GAB1: variants seen among roughly 807,000 people sequenced by gnomAD.
GAB1 encodes GRB2 associated binding protein 1, also known as GRB2-associated-binding protein 1.
A neutral mutation model predicts 66.5 loss-of-function variants in GAB1; 19 were observed. That is an observed-to-expected ratio of 0.29 (90% CI 0.20 to 0.42). The LOEUF (loss-of-function observed/expected upper bound fraction) is 0.42. Among genes scored for constraint, GAB1 ranks in the 10% least tolerant of loss-of-function variants. GAB1 has a pLI of 1.00. For missense variants in GAB1, 732 were observed against 858.5 expected (o/e 0.85, Z 1.84); for synonymous variants, 294 against 301.4 (o/e 0.98, Z 0.25).
At chr4:143,345,077 T>A (rs1266052318) in intron 1 of GAB1, among the ~76,000 whole-genome samples, 1 of 152,238 alleles carries the variant, frequency 6.6e-6, no homozygotes, top group Non-Finnish European at 1.5e-5. Flanking sequence ...AGCTACTATA[T>A]GCAAACTGCA....
At chr4:143,426,338 C>T (rs1437659559) in intron 2 of GAB1, among the ~76,000 whole-genome samples, 2 of 152,058 alleles carry the variant, frequency 1.3e-5, no homozygotes, top group African/African-American at 4.8e-5. Flanking sequence ...TCTCTTGAAC[C>T]CAGGAGTTTG....
At chr4:143,467,009 TC>T (rs1425412943) in intron 9 of GAB1, among the ~76,000 whole-genome samples, 2 of 152,202 alleles carry the variant, frequency 1.3e-5, no homozygotes, top group African/African-American at 4.8e-5. Context: ...TCTCAGACCT[TC>T]CTTCTGCAAT....
At chr4:143,382,522 G>C (rs1009203616) in intron 1 of GAB1, among the ~76,000 whole-genome samples, 12 of 152,200 alleles carry the variant, frequency 7.9e-5, no homozygotes, top group Non-Finnish European at 1.5e-4. Flanking sequence ...AATTTTATCA[G>C]ACATTTTCCT....
chr4:143,474,175 G>T lies in GAB1; in HGVS notation c.*4986G>T, dbSNP rs1316199522. Reference sequence around the variant, plus strand: ...AAAATTATACAAAATTACTATTTTTGATAAAATAAAGGAACACCTACAGAA... The same window carrying T: ...AAAATTATACAAAATTACTATTTTTTATAAAATAAAGGAACACCTACAGAA... On this transcript the variant is annotated 3_prime_UTR_variant, in exon 10 of 10. Transcript: ENST00000262994. 1 of 152,050 alleles carries T rather than the reference G, an allele frequency of 6.6e-6. No homozygotes were observed. The highest frequency in any genetic ancestry group is 2.4e-5 in the African/African-American group (1 of 41,412). The allele number at this position is 152,050 out of a possible 1,614,324, so 9.4% of individuals were successfully genotyped here.
In GAB1 at chr4:143,438,122, A is replaced by T; in HGVS notation, c.717A>T (p.Gln239His). Residue 239 changes from glutamine (Q) to histidine (H), a missense_variant, in exon 4 of 10, where the codon CAA (glutamine) becomes CAT (histidine). Physicochemically the swap from Gln to His is conservative, Grantham distance 24 (BLOSUM62 0). This residue lies in a region of GAB1 where 427 missense variants were observed against 420.6 expected (regional missense o/e 1.02). Coordinates refer to ENST00000262994, the MANE Select transcript of GAB1 (RefSeq NM_002039.4). ...KHGMNGFFQQ[Q>H]MIYDSPPSRA... ...GAATGAATGGCTTTTTTCAGCAGCA[A>T]ATGATATACGACTCTCCACCTTCAC... is the stretch of plus-strand genomic sequence containing the variant. 6.2e-7 allele frequency: 1 copy of T among 1,614,054 alleles called. No individual in the cohort carries two copies. Among genetic ancestry groups the T allele is most frequent in the South Asian group, 1.1e-5 (1 of 91,074 alleles).
rs1436739535 is a variant in GAB1 at position 143,472,410 on chromosome 4, T to C, written c.*3221T>C. 2 of 152,216 alleles carry C rather than the reference T, an allele frequency of 1.3e-5. No homozygotes were observed. The highest frequency in any genetic ancestry group is 3.8e-4 in the East Asian group (2 of 5,196). 9.4% of individuals were successfully genotyped at this position (152,216 alleles called of 1,614,324 possible). ...TAATTAATGGGGATTATAGTCTTCC[T>C]TCATAAATGCATTTAAACCTGAAAT... On this transcript the variant is annotated 3_prime_UTR_variant, in exon 10 of 10. Coordinates refer to ENST00000262994, the MANE Select transcript of GAB1 (RefSeq NM_002039.4).
intron 1 of GAB1, among the ~76,000 whole-genome samples, chr4:143,373,221 A>G (rs889109577): frequency 8.5e-5 from 13 of 152,334 alleles, no homozygotes; most frequent in African/African-American, 3.1e-4. Flanking sequence ...GCAGTATTCT[A>G]CATTAAGATC....
intron 9 of GAB1, 26 bp from the exon 10 acceptor site, chr4:143,469,005 C>G (rs1277526142): frequency 1.2e-6 from 2 of 1,611,382 alleles, no homozygotes; most frequent in Non-Finnish European, 1.7e-6. Context: ...ATATGTTGGA[C>G]TTTTTGTTTT....
rs79352189 is a variant in GAB1 at position 143,341,518 on chromosome 4, A to G, written c.72+4258A>G. 9.7e-3 allele frequency among the ~76,000 whole-genome samples: 1,471 copies of G among 152,316 alleles called. 15 individuals carry two copies. The highest frequency in any genetic ancestry group is 0.033 in the African/African-American group (1,374 of 41,570). ...GCTGTCAGCATTGGGCAGGTGCACA[A>G]TCTCAGCAGGAGAACCTGCTTCTGA... On this transcript the variant is annotated intron_variant, in intron 1 of 9. Transcript: ENST00000262994.
intron 1 of GAB1, among the ~76,000 whole-genome samples, chr4:143,342,923 C>T (rs1016023860): frequency 6.6e-6 from 1 of 152,084 alleles, no homozygotes; most frequent in Non-Finnish European, 1.5e-5. Context: ...CTTACAGAGA[C>T]TGACAGCCAG....
At chr4:143,443,643 A>G (rs980197705) in intron 6 of GAB1, among the ~76,000 whole-genome samples, 1 of 152,224 alleles carries the variant, frequency 6.6e-6, no homozygotes, top group African/African-American at 2.4e-5. Flanking sequence ...TATCTCTTAT[A>G]TAAAACTCAT....
intron 2 of GAB1, among the ~76,000 whole-genome samples, chr4:143,429,062 T>C (rs1007126282): frequency 6.6e-6 from 1 of 152,222 alleles, no homozygotes. Context: ...TTTAGTCTTA[T>C]ACTTGGCCCA....
chr4:143,398,392 G>A (rs1050113698), intron 1 of GAB1, among the ~76,000 whole-genome samples: 2 of 152,046 alleles, frequency 1.3e-5, no homozygotes, highest in Non-Finnish European at 2.9e-5. Context: ...GTTGCAGGGG[G>A]AAGTTTTATA....
At chr4:143,421,611 G>A (rs371344829) in intron 2 of GAB1, among the ~76,000 whole-genome samples, 2 of 150,670 alleles carry the variant, frequency 1.3e-5, no homozygotes, top group Non-Finnish European at 3.0e-5. Flanking sequence ...GTATCTTGTG[G>A]TGTTAATTTG....
At position 143,408,782 on chromosome 4, in the gene GAB1, A is replaced by G. The variant is rs551856399; in HGVS notation, c.73-6695A>G. ...GTATATTGAAATTTTGAATTCTACT[A>G]AAGAAGTCACAATAATGGTCTTTCC... On this transcript the variant is annotated intron_variant, in intron 1 of 9. Coordinates refer to ENST00000262994, the MANE Select transcript of GAB1 (RefSeq NM_002039.4). 3.9e-5 allele frequency among the ~76,000 whole-genome samples: 6 copies of G among 152,350 alleles called. No individual in the cohort carries two copies. In the East Asian group the frequency reaches 5.8e-4, roughly 15 times the overall value.
At chr4:143,468,650 G>A (rs937494742) in intron 9 of GAB1, among the ~76,000 whole-genome samples, 3 of 151,948 alleles carry the variant, frequency 2.0e-5, no homozygotes, top group Non-Finnish European at 4.4e-5. Flanking sequence ...TCATGGCCGG[G>A]CATGGTGGCT....
At chr4:143,373,000 TATTTA>T (rs1016551983) in intron 1 of GAB1, among the ~76,000 whole-genome samples, 3 of 152,078 alleles carry the variant, frequency 2.0e-5, no homozygotes, top group Non-Finnish European at 4.4e-5. Flanking sequence ...TTGATCTGGT[TATTTA>T]ATTTTAGTAA....
intron 1 of GAB1, among the ~76,000 whole-genome samples, chr4:143,367,843 G>C (rs762607339): frequency 6.1e-5 from 9 of 148,394 alleles, no homozygotes; most frequent in Non-Finnish European, 8.9e-5. Context: ...TCATGCCTCA[G>C]CCCCCCAAGT....
intron 1 of GAB1, among the ~76,000 whole-genome samples, chr4:143,411,076 AACT>A (rs1732360748): frequency 6.6e-6 from 1 of 152,076 alleles, no homozygotes; most frequent in Non-Finnish European, 1.5e-5. Flanking sequence ...GTGTTTGGGA[AACT>A]ACAAGTATTT....
Sources: allele counts gnomAD v4.1 joint callset (sites outside exome capture counted in the v4.1 genomes callset), GRCh38; gene constraint gnomAD v4.1.1; regional missense constraint gnomAD v4.1.1; transcripts MANE v1.5; gene names NCBI Gene and HGNC (gene_info 2026-07-23, HGNC 2026-07-21).